The following ANKMY1 variants were observed in gnomAD, a reference collection of about 807,000 sequenced individuals.
The protein encoded by ANKMY1 is ankyrin repeat and MYND domain containing 1.
In ANKMY1, 98 loss-of-function variants were observed where a neutral mutation model predicts 102.0. The ratio of observed to expected loss-of-function variants is 0.96; its 90% CI spans 0.82 to 1.14. The LOEUF (loss-of-function observed/expected upper bound fraction) is 1.14. Ranked by LOEUF, ANKMY1 falls within the 50% of genes most tolerant of loss-of-function variation. The pLI is 0.00. For missense variants in ANKMY1, 1,330 were observed against 1,347.6 expected (o/e 0.99, Z 0.20); for synonymous variants, 582 against 559.9 (o/e 1.04, Z -0.56).
At chr2:240,536,845 AT>A (rs1221263231) in intron 4 of ANKMY1, among the ~76,000 whole-genome samples, 8 of 152,070 alleles carry the variant, frequency 5.3e-5, no homozygotes, top group African/African-American at 1.7e-4. Context: ...ATTTATTGTA[AT>A]TTTTTCTCAT....
chr2:240,480,370 C>T (rs1454214313), intron 17 of ANKMY1, among the ~76,000 whole-genome samples: 1 of 152,220 alleles, frequency 6.6e-6, no homozygotes, highest in Non-Finnish European at 1.5e-5. Context: ...ACACCAGCCT[C>T]GGCAATGCCC....
At chr2:240,538,898 T>C (rs1016089068) in intron 4 of ANKMY1, among the ~76,000 whole-genome samples, 1 of 152,142 alleles carries the variant, frequency 6.6e-6, no homozygotes, top group African/African-American at 2.4e-5. Context: ...ATCTAGCTAA[T>C]CTGGTGGGGA....
At chr2:240,527,084 A>T in intron 5 of ANKMY1, 20 of 428,048 alleles carry the variant, frequency 4.7e-5, no homozygotes, top group South Asian at 1.0e-4. Context: ...GGATGAATGG[A>T]TGGGTGGGTG....
chr2:240,520,807 A>C lies in ANKMY1; in HGVS notation c.1833-274T>G, dbSNP rs2082084084. The stretch of plus-strand genomic sequence containing the variant: ...ACACCCACAGCACACCACACAGTAC[A>C]CACAGCACACAACCCCACACACAAG... On this transcript the variant is annotated intron_variant, in intron 8 of 17. Transcript: ENST00000401804. The surrounding 1 kb of genome is among the most constrained non-coding windows in gnomAD (Gnocchi z 4.8). Among the ~76,000 whole-genome samples, 2 of 150,112 alleles carry C rather than the reference A, an allele frequency of 1.3e-5. No individual in the cohort carries two copies. The highest frequency in any genetic ancestry group is 4.2e-4 in the South Asian group (2 of 4,718).
chr2:240,546,353 G>A (rs1159632577), intron 4 of ANKMY1, among the ~76,000 whole-genome samples: 1 of 152,114 alleles, frequency 6.6e-6, no homozygotes, highest in African/African-American at 2.4e-5. Context: ...AAGAGCTCCT[G>A]AAGGAAGCGC....
At chr2:240,534,049 T>C (rs537302063) in intron 4 of ANKMY1, among the ~76,000 whole-genome samples, 1 of 152,346 alleles carries the variant, frequency 6.6e-6, no homozygotes, top group Admixed American at 6.5e-5. Context: ...GCATCCTGCC[T>C]AGTCCTGCCT....
intron 2 of ANKMY1, among the ~76,000 whole-genome samples, chr2:240,556,112 G>A (rs929519136): frequency 6.6e-6 from 1 of 152,102 alleles, no homozygotes; most frequent in East Asian, 1.9e-4. Flanking sequence ...CTTCTCATAG[G>A]TACACTCATC....
Position 240,557,941 on chromosome 2 carries a change from G to A in ANKMY1, c.-78C>T. On this transcript the variant is annotated 5_prime_UTR_variant, in exon 1 of 18. Transcript: ENST00000401804. Reference sequence around the variant, plus strand: ...GGAGACCGACGGGACTGCAGCCACCGCGGACGCCCGCGCTCCCGTCCCGAC... The same window carrying A: ...GGAGACCGACGGGACTGCAGCCACCACGGACGCCCGCGCTCCCGTCCCGAC... 3 of 985,646 alleles carry A rather than the reference G, an allele frequency of 3.0e-6. No homozygotes were observed. The highest frequency in any genetic ancestry group is 4.7e-5 in the South Asian group (1 of 21,308). The allele number at this position is 985,646 out of a possible 1,614,324, so 61.1% of individuals were successfully genotyped here. A position where few individuals can be genotyped will look rare whatever the true frequency, so the allele number is the denominator to read the frequency against.
In ANKMY1 at chr2:240,500,056, C is replaced by T. The variant is rs141314665; in HGVS notation, c.2708G>A (p.Arg903Gln). ...MPAERETFLA[R>Q]KRLLEYMGLQ... ...GCCCATGTACTCCAGGAGCCGCTTC[C>T]GCGCCAGGAACGTCTCGCGCTCTGC... is the stretch of plus-strand genomic sequence containing the variant. Residue 903 changes from arginine to glutamine, a missense_variant, in exon 15 of 18, where the codon CGG becomes CAG. Transcript: ENST00000401804. 96 of 1,612,638 alleles carry T rather than the reference C, an allele frequency of 6.0e-5. No homozygotes were observed. The African/African-American group carries it at 6.7e-4, about 11-fold the overall frequency.
At chr2:240,542,593 A>C (rs1559366320) in intron 4 of ANKMY1, among the ~76,000 whole-genome samples, 1 of 152,100 alleles carries the variant, frequency 6.6e-6, no homozygotes, top group Non-Finnish European at 1.5e-5. Context: ...TGAGGCTAAT[A>C]GAGTTCAGAC....
chr2:240,509,569 C>A, intron 11 of ANKMY1, 114 bp from the exon 12 acceptor site: 1 of 732,630 alleles, frequency 1.4e-6, no homozygotes, highest in Non-Finnish European at 2.2e-6. Context: ...CGGCTACTTC[C>A]TGCCAACCAT....
intron 4 of ANKMY1, among the ~76,000 whole-genome samples, chr2:240,548,421 A>G (rs1228804729): frequency 7.2e-5 from 11 of 152,200 alleles, no homozygotes; most frequent in African/African-American, 2.7e-4. Flanking sequence ...TGAATGGGCA[A>G]AAACTGGAAG....
chr2:240,557,478 G>A (rs2092501423), intron 1 of ANKMY1, 126 bp from the exon 2 acceptor site: 1 of 1,148,278 alleles, frequency 8.7e-7, no homozygotes, highest in African/African-American at 1.6e-5. Flanking sequence ...AACCGCGCCG[G>A]AGCCTGGGCC....
At chr2:240,488,654 T>C (rs2076316993) in intron 15 of ANKMY1, among the ~76,000 whole-genome samples, 1 of 152,194 alleles carries the variant, frequency 6.6e-6, no homozygotes, top group African/African-American at 2.4e-5. Context: ...CTTTCATCAG[T>C]GTTTTATAGT....
At chr2:240,468,716 A>T in the ANKMY1 span, among the ~76,000 whole-genome samples, 1 of 152,168 alleles carries the variant, frequency 6.6e-6, no homozygotes, top group Middle Eastern at 3.2e-3. Context: ...CGTTTCCATC[A>T]TCTGGGACCC....
the ANKMY1 span, among the ~76,000 whole-genome samples, chr2:240,474,043 G>A: frequency 6.6e-6 from 1 of 152,116 alleles, no homozygotes; most frequent in Admixed American, 6.6e-5. Context: ...GAAATAAAAG[G>A]CATCCACATC....
intron 15 of ANKMY1, among the ~76,000 whole-genome samples, chr2:240,497,825 G>A (rs2077461404): frequency 6.6e-6 from 1 of 152,218 alleles, no homozygotes; most frequent in Non-Finnish European, 1.5e-5. Flanking sequence ...AGCCAAGGCT[G>A]TGGAGCTGGG....
intron 9 of ANKMY1, among the ~76,000 whole-genome samples, chr2:240,515,959 T>C (rs570698044): frequency 1.3e-5 from 2 of 151,632 alleles, no homozygotes; most frequent in South Asian, 4.2e-4. Flanking sequence ...CTCCTGACCT[T>C]GTGATCTGCC....
chr2:240,509,724 A>G (rs888945940), intron 11 of ANKMY1, among the ~76,000 whole-genome samples: 2 of 152,172 alleles, frequency 1.3e-5, no homozygotes, highest in Admixed American at 6.5e-5. Flanking sequence ...ACATTGATGC[A>G]TAAGTTGATT....
Sources: gnomAD v4.1 joint callset for allele counts (sites outside exome capture counted in the v4.1 genomes callset) on GRCh38, gnomAD v4.1.1 for gene constraint, Gnocchi (gnomAD v3.1) non-coding constraint, MANE v1.5 for transcripts, NCBI Gene and HGNC (gene_info 2026-07-23, HGNC 2026-07-21) for gene names.